The following ECPAS variants were observed in gnomAD, a reference collection of about 807,000 sequenced individuals.
ECPAS encodes the protein Ecm29 proteasome adaptor and scaffold, also known as proteasome adapter and scaffold protein ECM29.
A neutral mutation model predicts 255.1 loss-of-function variants in ECPAS; 70 were observed. The observed-to-expected ratio is 0.27, with a 90% CI of 0.23 to 0.33. The LOEUF is 0.33. ECPAS is among the 10% of genes least tolerant of loss of function. The pLI is 1.00. For missense variants in ECPAS, 1,817 were observed against 2,206.4 expected (o/e 0.82, Z 3.54); for synonymous variants, 784 against 775.0 (o/e 1.01, Z -0.19).
intron 31 of ECPAS, among the ~76,000 whole-genome samples, 178 bp downstream of exon 31, chr9:111,389,378 C>T (rs1037322698): frequency 6.6e-6 from 1 of 152,114 alleles, no homozygotes; most frequent in Non-Finnish European, 1.5e-5. Flanking sequence ...ATAAATGTTG[C>T]CATACACATC....
intron 1 of ECPAS, among the ~76,000 whole-genome samples, chr9:111,483,112 G>T (rs1274371718): frequency 1.3e-5 from 2 of 152,138 alleles, no homozygotes; most frequent in Admixed American, 1.3e-4. Flanking sequence ...TCAACCAGCC[G>T]TCGGGGACCC....
intron 39 of ECPAS, among the ~76,000 whole-genome samples, chr9:111,373,635 T>C (rs1589115788): frequency 6.6e-6 from 1 of 152,150 alleles, no homozygotes; most frequent in Non-Finnish European, 1.5e-5. Flanking sequence ...ACGAGGTATA[T>C]AAAGAACACT....
At chr9:111,460,037 T>A (rs1191262977) in intron 2 of ECPAS, among the ~76,000 whole-genome samples, 1 of 152,086 alleles carries the variant, frequency 6.6e-6, no homozygotes, top group African/African-American at 2.4e-5. Flanking sequence ...GCAAATGAGA[T>A]AATAAAATAA....
chr9:111,421,523 T>C (rs1369522508), intron 15 of ECPAS, among the ~76,000 whole-genome samples: 2 of 151,846 alleles, frequency 1.3e-5, no homozygotes, highest in African/African-American at 2.4e-5. Context: ...GCATGTATGA[T>C]AGTACTGGCT....
At chr9:111,466,131 G>A (rs1283882718) in intron 2 of ECPAS, among the ~76,000 whole-genome samples, 2 of 151,934 alleles carry the variant, frequency 1.3e-5, no homozygotes, top group African/African-American at 4.8e-5. Flanking sequence ...TTTGAAGCTT[G>A]AAAGGAACCT....
chr9:111,429,579 T>C (rs531530974), intron 9 of ECPAS, among the ~76,000 whole-genome samples: 11 of 152,314 alleles, frequency 7.2e-5, no homozygotes, highest in African/African-American at 2.4e-4. Context: ...AGCACATTCA[T>C]GTGTACAGCC....
intron 15 of ECPAS, 85 bp downstream of exon 15, chr9:111,421,836 A>C: frequency 6.8e-7 from 1 of 1,479,314 alleles, no homozygotes; most frequent in East Asian, 2.3e-5. Flanking sequence ...TACTCCTCTT[A>C]TCAAAAGTTA....
chr9:111,411,375 T>A (rs1199733607), intron 21 of ECPAS, among the ~76,000 whole-genome samples: 1 of 152,240 alleles, frequency 6.6e-6, no homozygotes, highest in East Asian at 1.9e-4. Context: ...CTTTAAGATT[T>A]ACATTCTGTA....
chr9:111,476,157 T>C (rs1400948683), intron 1 of ECPAS, among the ~76,000 whole-genome samples: 2 of 152,248 alleles, frequency 1.3e-5, no homozygotes, highest in African/African-American at 4.8e-5. Context: ...TTATAGGCTG[T>C]TGCTCCTTCA....
chr9:111,382,134 T>C (rs1015833866), intron 35 of ECPAS, among the ~76,000 whole-genome samples: 4 of 152,018 alleles, frequency 2.6e-5, no homozygotes, highest in African/African-American at 7.3e-5. Flanking sequence ...TAAGGAGTGA[T>C]TGGTAGGTTC....
chr9:111,452,930 T>A (rs1251222853), intron 2 of ECPAS, among the ~76,000 whole-genome samples: 1 of 152,132 alleles, frequency 6.6e-6, no homozygotes, highest in Non-Finnish European at 1.5e-5. Flanking sequence ...GCCTGAAGCG[T>A]CTTGTAGTGC....
In ECPAS at chr9:111,407,377, G is replaced by A. The variant is rs1416347725; in HGVS notation, c.2652+1194C>T. 5.0e-5 allele frequency among the ~76,000 whole-genome samples: 5 copies of A among 99,252 alleles called. 1 individual carries two copies. Among genetic ancestry groups the A allele is most frequent in the African/African-American group, 1.9e-4 (4 of 20,958 alleles). 65.1% of individuals were successfully genotyped at this position (99,252 alleles called of 152,430 possible). ...AGATCACGCCACTTTACTCCAGCCT[G>A]GGAGACAGAGCAAAACTCCATCTCA... On this transcript the variant is annotated intron_variant, in intron 24 of 49. Transcript: ENST00000684092.
chr9:111,427,209 G>C (rs990155195), intron 10 of ECPAS, among the ~76,000 whole-genome samples: 1 of 150,292 alleles, frequency 6.7e-6, no homozygotes, highest in East Asian at 1.9e-4. Flanking sequence ...TGTGGGCCAA[G>C]ACTAGAGGCA....
intron 4 of ECPAS, among the ~76,000 whole-genome samples, chr9:111,443,384 G>A (rs2098248489): frequency 6.6e-6 from 1 of 152,118 alleles, no homozygotes; most frequent in African/African-American, 2.4e-5. Context: ...CCAAGTAGCT[G>A]GGACTACAGG....
At chr9:111,423,170 T>G in intron 13 of ECPAS, 29 bp downstream of exon 13, 2 of 1,488,364 alleles carry the variant, frequency 1.3e-6, no homozygotes, top group Non-Finnish European at 1.8e-6. Flanking sequence ...ACCAACACCA[T>G]ATCTCTCACT....
In ECPAS at chr9:111,436,935, G is replaced by C; in HGVS notation, c.708+5C>G. ...CTACTATTATGAGCAAGCCTTGTGT[G>C]ATACCTGTTCCAATTGTTCAGGTGT... On this transcript the variant is annotated splice_donor_5th_base_variant and intron_variant, in intron 7 of 49. Coordinates refer to ENST00000684092, the MANE Select transcript of ECPAS (RefSeq NM_001364929.1). 6.3e-7 allele frequency: 1 copy of C among 1,596,566 alleles called. No homozygotes were observed. The highest frequency in any genetic ancestry group is 8.5e-7 in the Non-Finnish European group (1 of 1,173,296).
intron 2 of ECPAS, among the ~76,000 whole-genome samples, chr9:111,469,764 G>C (rs961029986): frequency 6.6e-6 from 1 of 151,722 alleles, no homozygotes; most frequent in Admixed American, 6.6e-5. Flanking sequence ...AGCCGAGATC[G>C]CGCCACTGCA....
At chr9:111,378,194 C>G (rs575825884) in intron 36 of ECPAS, among the ~76,000 whole-genome samples, 3 of 152,020 alleles carry the variant, frequency 2.0e-5, no homozygotes, top group Non-Finnish European at 4.4e-5. Context: ...TGATCAGAGA[C>G]CAGGTGACTC....
chr9:111,370,569 C>T lies in ECPAS; in HGVS notation c.4840G>A (p.Val1614Ile). ...TTCTCTTTGCTACATTCCTTCAGAA[C>T]AGCTTGAAGAATTTCATTTGTGCTG... ...QPSTNEILQA[V>I]LKECSKENVK... is the part of the protein sequence containing the mutation. Residue 1614 changes from valine (V) to isoleucine (I), a missense_variant, in exon 45 of 50, where the codon GTT becomes ATT. Around this residue, in one of 4 missense-constraint regions of ECPAS, gnomAD observed 960 missense variants for 1,179.0 expected, o/e 0.81. Coordinates refer to ENST00000684092, the MANE Select transcript of ECPAS (RefSeq NM_001364929.1). 1 of 1,610,928 alleles carries T rather than the reference C, an allele frequency of 6.2e-7. No individual in the cohort carries two copies. The highest frequency in any genetic ancestry group is 1.1e-5 in the South Asian group (1 of 90,404).
Sources: allele counts gnomAD v4.1 joint callset (sites outside exome capture counted in the v4.1 genomes callset), GRCh38; gene constraint gnomAD v4.1.1; regional missense constraint gnomAD v4.1.1; transcripts MANE v1.5; gene names NCBI Gene and HGNC (gene_info 2026-07-23, HGNC 2026-07-21).